The following SLC29A4 variants were observed in gnomAD, a reference collection of about 807,000 sequenced individuals.
SLC29A4 encodes equilibrative nucleoside transporter 4.
A neutral mutation model predicts 43.9 loss-of-function variants in SLC29A4; 36 were observed. The observed-to-expected ratio is 0.82, with a 90% CI of 0.63 to 1.08. The LOEUF is 1.08. Among genes scored for constraint, SLC29A4 ranks in the 50% least tolerant of loss-of-function variants. SLC29A4 has a pLI of 0.00. For missense variants in SLC29A4, 869 were observed against 755.3 expected, an observed-to-expected ratio of 1.15 and a Z score of -1.77; for synonymous variants, 491 against 338.0, an observed-to-expected ratio of 1.45 and a Z score of -4.97.
chr7:5,288,249 C>T (rs1272701791), intron 2 of SLC29A4, among the ~76,000 whole-genome samples: 2 of 150,782 alleles, frequency 1.3e-5, no homozygotes, highest in Non-Finnish European at 2.9e-5. Flanking sequence ...CTTTTGTGCT[C>T]ACTGGGTGGG....
intron 1 of SLC29A4, among the ~76,000 whole-genome samples, chr7:5,285,687 C>G (rs1784900994): frequency 6.6e-6 from 1 of 152,168 alleles, no homozygotes. Flanking sequence ...GGGACAAGAG[C>G]AGGCAGAGGT....
In SLC29A4 at chr7:5,299,256, C is replaced by A. The variant is rs375928639; in HGVS notation, c.1038C>A (p.Arg346=). The change falls in exon 9 of 11, where the codon CGC becomes CGA. Residue 346 remains arginine (R), a synonymous_variant. Coordinates refer to ENST00000396872, the MANE Select transcript of SLC29A4 (RefSeq NM_153247.4). Reference sequence around the variant, plus strand: ...ACCCTCCAGCCCTGTTACTGCACCGCTACGTGGTGGCGCGGGTGATCTGGG... The same window carrying A: ...ACCCTCCAGCCCTGTTACTGCACCGATACGTGGTGGCGCGGGTGATCTGGG... ...WPTFRALLLH[R]YVVARVIWAD... is the part of the protein sequence containing the mutation. 2 of 1,612,058 alleles carry A rather than the reference C, an allele frequency of 1.2e-6. No homozygotes were observed. The highest frequency in any genetic ancestry group is 1.3e-5 in the African/African-American group (1 of 74,904).
chr7:5,293,279 C>G (rs1286778949), intron 5 of SLC29A4, among the ~76,000 whole-genome samples: 1 of 148,272 alleles, frequency 6.7e-6, no homozygotes, highest in Non-Finnish European at 1.5e-5. Context: ...TCAAGGGATT[C>G]TCCTGCCTCA....
intron 5 of SLC29A4, among the ~76,000 whole-genome samples, chr7:5,294,129 C>G (rs1468872549): frequency 6.6e-6 from 1 of 151,792 alleles, no homozygotes; most frequent in Non-Finnish European, 1.5e-5. Flanking sequence ...ATTGTAAAGA[C>G]AAGATCTCAC....
In SLC29A4 at chr7:5,303,333, A is replaced by C; in HGVS notation, c.*394A>C. On this transcript the variant is annotated 3_prime_UTR_variant, in exon 11 of 11. Transcript: ENST00000396872. ...CAGTGACTGCACCCCGGCCCTCATC[A>C]CCCACCGGCACTGATCGGGGCACCG... 3 of 262,046 alleles carry C rather than the reference A, an allele frequency of 1.1e-5. No individual in the cohort carries two copies. Among genetic ancestry groups the C allele is most frequent in the Non-Finnish European group, 2.2e-5 (3 of 137,046 alleles). The allele number at this position is 262,046 out of a possible 1,614,324, so 16.2% of individuals were successfully genotyped here. A position where few individuals can be genotyped will look rare whatever the true frequency, so the allele number is the denominator to read the frequency against.
At position 5,299,386 on chromosome 7, in the gene SLC29A4, C is replaced by G. The variant is rs1307257069; in HGVS notation, c.1168C>G (p.Leu390Val). The stretch of plus-strand genomic sequence containing the variant: ...CATCCTGGGCGAGTGGCTGCCCATC[C>G]TCATCATGGCTGTGTTCAACCTGTC... The part of the protein sequence containing the change: ...HCILGEWLPI[L>V]IMAVFNLSDF... Residue 390 changes from leucine to valine, a missense_variant, in exon 9 of 11, where the codon CTC becomes GTC. By Grantham distance (32) the Leu-to-Val change is conservative (BLOSUM62 1). Coordinates refer to ENST00000396872, the MANE Select transcript of SLC29A4 (RefSeq NM_153247.4). The G allele has an allele frequency of 6.2e-7, 1 of 1,612,318 alleles. No individual in the cohort carries two copies. The highest frequency in any genetic ancestry group is 2.2e-5 in the East Asian group (1 of 44,882).
intron 10 of SLC29A4, among the ~76,000 whole-genome samples, chr7:5,301,811 GCTGGCA>G (rs1786186598): frequency 6.6e-6 from 1 of 152,208 alleles, no homozygotes; most frequent in Admixed American, 6.5e-5. Flanking sequence ...AGGCAAGAAG[GCTGGCA>G]CTGGCACAGA....
At position 5,299,626 on chromosome 7, in the gene SLC29A4, G is replaced by A. The variant is rs572733523; in HGVS notation, c.1209+199G>A. Among the ~76,000 whole-genome samples, 4 of 152,342 alleles carry A rather than the reference G, an allele frequency of 2.6e-5. No homozygotes were observed. In the East Asian group the frequency reaches 5.8e-4, roughly 22 times the overall value. On this transcript the variant is annotated intron_variant, in intron 9 of 10. Coordinates refer to ENST00000396872, the MANE Select transcript of SLC29A4 (RefSeq NM_153247.4). ...TGGCCTGATCCCACTGGGGCGCTCCGGAGTGTCAGCTGCATCTGGGAGGAC... is the reference window on the plus strand; with the variant it reads ...TGGCCTGATCCCACTGGGGCGCTCCAGAGTGTCAGCTGCATCTGGGAGGAC...
chr7:5,284,040 CCCCA>C (rs1371020139), intron 1 of SLC29A4, among the ~76,000 whole-genome samples: 1,303 of 69,792 alleles, frequency 0.019, 22 homozygotes, highest in South Asian at 0.031. Context: ...CGACCCCCCC[CCCCA>C]CCCCCGACTT....
chr7:5,283,225 C>G (rs1246135767), intron 1 of SLC29A4, 143 bp downstream of exon 1: 1 of 150,414 alleles, frequency 6.6e-6, no homozygotes, highest in Admixed American at 6.6e-5. Context: ...CCCGGGAACC[C>G]GAGGCCACCC....
chr7:5,292,623 C>G (rs1275222997), intron 5 of SLC29A4, among the ~76,000 whole-genome samples: 1 of 147,990 alleles, frequency 6.8e-6, no homozygotes, highest in Admixed American at 6.8e-5. Context: ...TTGTAGATGT[C>G]ATCACCTTTC....
intron 2 of SLC29A4, among the ~76,000 whole-genome samples, chr7:5,289,222 T>C (rs1785156277): frequency 6.6e-6 from 1 of 151,292 alleles, no homozygotes; most frequent in Admixed American, 6.6e-5. Context: ...CCTGGCAAAA[T>C]CTCGTCTGTA....
At chr7:5,298,507 G>C (rs1258772274) in intron 7 of SLC29A4, among the ~76,000 whole-genome samples, 1 of 152,148 alleles carries the variant, frequency 6.6e-6, no homozygotes. Context: ...AAGTGTGAGA[G>C]AGAGCCAGGC....
intron 6 of SLC29A4, among the ~76,000 whole-genome samples, chr7:5,295,501 C>G (rs1408523034): frequency 1.3e-5 from 2 of 152,216 alleles, no homozygotes; most frequent in Non-Finnish European, 2.9e-5. Context: ...GGCCCTTCTC[C>G]AAGTCCTAGG....
intron 2 of SLC29A4, 22 bp downstream of exon 2, chr7:5,288,007 G>A: frequency 1.9e-6 from 3 of 1,593,154 alleles, no homozygotes; most frequent in Middle Eastern, 2.3e-4. Context: ...TGCGGGCAAG[G>A]TGCGGGTCTT....
chr7:5,284,032 A>ACCCCCCCCCCCCCCCCCCCCCCCCCCC (rs79051188), intron 1 of SLC29A4, among the ~76,000 whole-genome samples: 1 of 72,250 alleles, frequency 1.4e-5, no homozygotes, highest in African/African-American at 5.1e-5. Context: ...GAGCTGCACG[A>ACCCCCCCCCCCCCCCCCCCCCCCCCCC]CCCCCCCCCC....
chr7:5,286,453 A>C (rs1784953561), intron 1 of SLC29A4, among the ~76,000 whole-genome samples: 1 of 151,430 alleles, frequency 6.6e-6, no homozygotes, highest in Admixed American at 6.6e-5. Flanking sequence ...AACCCAGGAG[A>C]CGGAGGTTGC....
chr7:5,297,663 G>T (rs1293985946), intron 7 of SLC29A4, among the ~76,000 whole-genome samples: 2 of 152,286 alleles, frequency 1.3e-5, no homozygotes, highest in Non-Finnish European at 2.9e-5. Flanking sequence ...CCTAGAGTCG[G>T]GACGCCAGGA....
intron 1 of SLC29A4, among the ~76,000 whole-genome samples, chr7:5,286,379 C>T (rs187095314): frequency 5.3e-5 from 8 of 151,720 alleles, no homozygotes; most frequent in African/African-American, 1.5e-4. Context: ...AAAAATTAGC[C>T]GGGTGTGGCG....
Sources: allele counts gnomAD v4.1 joint callset (sites outside exome capture counted in the v4.1 genomes callset), GRCh38; gene constraint gnomAD v4.1.1; transcripts MANE v1.5; gene names NCBI Gene and HGNC (gene_info 2026-07-23, HGNC 2026-07-21).